The following SORCS2 variants were observed in gnomAD, a reference collection of about 807,000 sequenced individuals.
SORCS2 encodes the protein VPS10 domain-containing receptor SorCS2.
Under a neutral mutation model 141.6 loss-of-function variants are expected in SORCS2, and 100 were observed. The observed-to-expected ratio is 0.71, with a 90% CI of 0.60 to 0.83. SORCS2 has a LOEUF of 0.83. Among genes scored for constraint, SORCS2 ranks in the 40% least tolerant of loss-of-function variants. SORCS2 has a pLI of 0.00. For synonymous variants in SORCS2, 789 were observed against 676.9 expected, an observed-to-expected ratio of 1.17 and a Z score of -2.57; for missense variants, 1,646 against 1,560.2, an observed-to-expected ratio of 1.05 and a Z score of -0.93.
chr4:7,550,550 G>A (rs1713622359), intron 3 of SORCS2, among the ~76,000 whole-genome samples: 2 of 152,330 alleles, frequency 1.3e-5, no homozygotes, highest in Admixed American at 6.5e-5. Flanking sequence ...GAAAACAGGT[G>A]TGTCTGGGGA....
chr4:7,224,979 A>G (rs1333722213), intron 1 of SORCS2, among the ~76,000 whole-genome samples: 1 of 152,252 alleles, frequency 6.6e-6, no homozygotes, highest in East Asian at 1.9e-4. Flanking sequence ...AGAGTGATGT[A>G]TGCAATGTAT....
At position 7,580,375 on chromosome 4, in the gene SORCS2, A is replaced by G. The variant is rs1716063286; in HGVS notation, c.648+48746A>G. Among the ~76,000 whole-genome samples the G allele has an allele frequency of 2.0e-5, 3 of 152,248 alleles. No homozygotes were observed. In the South Asian group the frequency reaches 6.2e-4, roughly 32 times the overall value. On this transcript the variant is annotated intron_variant, in intron 3 of 26. Coordinates refer to ENST00000507866, the MANE Select transcript of SORCS2 (RefSeq NM_020777.3). The stretch of plus-strand genomic sequence containing the variant: ...CATGGTGGTGCACGTTTGTAATCCC[A>G]GCTACTCAGGAGGCTGAGCCATGAG...
chr4:7,543,415 C>CCA lies in SORCS2; in HGVS notation c.648+11786_648+11787insCA, dbSNP rs1712849943. ...CCCATCCATCCATCCACCCATCCAT[C>CCA]TATCCATCCATCCGTCCATCCATCC... On this transcript the variant is annotated intron_variant, in intron 3 of 26. Coordinates refer to ENST00000507866, the MANE Select transcript of SORCS2 (RefSeq NM_020777.3). 8.8e-4 allele frequency among the ~76,000 whole-genome samples: 22 copies of CCA among 24,974 alleles called. No individual in the cohort carries two copies. In the East Asian group the frequency reaches 0.031, roughly 35 times the overall value. 16.4% of individuals were successfully genotyped at this position (24,974 alleles called of 152,430 possible).
Position 7,349,449 on chromosome 4 carries a change from A to G in SORCS2, c.481-46839A>G, listed in dbSNP as rs1720818824. 3.3e-5 allele frequency among the ~76,000 whole-genome samples: 5 copies of G among 152,100 alleles called. No homozygotes were observed. The South Asian group carries it at 1.0e-3, about 32-fold the overall frequency. Reference sequence around the variant, plus strand: ...GGGTGTGGGCTGGGTGTCCTGCGCCAGGCTGCCTAGACTTTATCCCCAGGC... The same window carrying G: ...GGGTGTGGGCTGGGTGTCCTGCGCCGGGCTGCCTAGACTTTATCCCCAGGC... On this transcript the variant is annotated intron_variant, in intron 1 of 26. Transcript: ENST00000507866.
At chr4:7,361,080 A>C (rs1721552852) in intron 1 of SORCS2, among the ~76,000 whole-genome samples, 1 of 152,086 alleles carries the variant, frequency 6.6e-6, no homozygotes, top group Admixed American at 6.5e-5. Context: ...GTTTTTGTCA[A>C]GCTCTGCCCG....
intron 2 of SORCS2, among the ~76,000 whole-genome samples, chr4:7,441,297 C>A (rs1245632229): frequency 6.6e-6 from 1 of 152,124 alleles, no homozygotes; most frequent in African/African-American, 2.4e-5. Context: ...TGAGGGGCAG[C>A]CTGAGGCCAG....
Position 7,356,814 on chromosome 4 carries a change from G to C in SORCS2, c.481-39474G>C, listed in dbSNP as rs890688068. Among the ~76,000 whole-genome samples the C allele has an allele frequency of 3.3e-5, 5 of 152,206 alleles. No homozygotes were observed. In the East Asian group the frequency reaches 5.8e-4, roughly 18 times the overall value. On this transcript the variant is annotated intron_variant, in intron 1 of 26. Transcript: ENST00000507866. Reference sequence around the variant, plus strand: ...CCTAGTGACTCTTTGTTGAATGAATGAACACGTTGATGAATGAATGATCCC... The same window carrying C: ...CCTAGTGACTCTTTGTTGAATGAATCAACACGTTGATGAATGAATGATCCC...
At chr4:7,369,541 C>T (rs1722118188) in intron 1 of SORCS2, among the ~76,000 whole-genome samples, 1 of 152,196 alleles carries the variant, frequency 6.6e-6, no homozygotes, top group East Asian at 1.9e-4. Flanking sequence ...AGAGGCTTGA[C>T]TTGGGGGCGT....
At chr4:7,724,909 A>G (rs371883133) in intron 19 of SORCS2, among the ~76,000 whole-genome samples, 977 of 13,556 alleles carry the variant, frequency 0.072, 18 homozygotes, top group African/African-American at 0.16. Context: ...TGGTGATAGT[A>G]TTGGTGGGAA....
intron 3 of SORCS2, among the ~76,000 whole-genome samples, chr4:7,558,101 GC>G (rs1282819914): frequency 6.6e-6 from 1 of 152,182 alleles, no homozygotes; most frequent in Admixed American, 6.5e-5. Context: ...TGCCCACTGT[GC>G]CCCCAGGGCT....
intron 19 of SORCS2, among the ~76,000 whole-genome samples, chr4:7,724,646 T>G: frequency 7.0e-6 from 1 of 143,744 alleles, no homozygotes; most frequent in African/African-American, 2.7e-5. Flanking sequence ...ATGGTGGAGG[T>G]GATGGTGGTA....
intron 3 of SORCS2, among the ~76,000 whole-genome samples, chr4:7,609,757 C>T (rs1451864166): frequency 6.6e-6 from 1 of 152,208 alleles, no homozygotes; most frequent in Non-Finnish European, 1.5e-5. Context: ...GACCCGGGAC[C>T]TCCGGATGGG....
intron 15 of SORCS2, among the ~76,000 whole-genome samples, chr4:7,713,571 G>A (rs1239370015): frequency 1.3e-5 from 2 of 152,144 alleles, no homozygotes; most frequent in African/African-American, 4.8e-5. Context: ...AGGTCAGTGG[G>A]TGGAAACTGA....
intron 1 of SORCS2, among the ~76,000 whole-genome samples, chr4:7,351,709 C>CCAT (rs76181180): frequency 0.25 from 37,595 of 151,296 alleles, 5,010 homozygotes; most frequent in East Asian, 0.44. Context: ...ATCCATCCAT[C>CCAT]CTTCTACCCA....
intron 11 of SORCS2, among the ~76,000 whole-genome samples, chr4:7,692,767 G>A (rs1724339332): frequency 6.6e-6 from 1 of 152,208 alleles, no homozygotes; most frequent in African/African-American, 2.4e-5. Context: ...ATGGGCATCT[G>A]CCAAGCCGAC....
At chr4:7,587,809 C>T (rs1277370777) in intron 3 of SORCS2, among the ~76,000 whole-genome samples, 2 of 152,242 alleles carry the variant, frequency 1.3e-5, no homozygotes, top group African/African-American at 4.8e-5. Flanking sequence ...TGACAGTCAC[C>T]TCCACAGTCC....
chr4:7,594,280 C>T (rs966167900), intron 3 of SORCS2, among the ~76,000 whole-genome samples: 1 of 152,362 alleles, frequency 6.6e-6, no homozygotes, highest in East Asian at 1.9e-4. Context: ...ATCATAAAAG[C>T]TTGTCACCTG....
intron 3 of SORCS2, among the ~76,000 whole-genome samples, chr4:7,544,672 G>C (rs534980030): frequency 1.3e-5 from 2 of 152,274 alleles, no homozygotes; most frequent in Non-Finnish European, 2.9e-5. Context: ...AAGAGACAGA[G>C]GGAGCTGGGG....
chr4:7,307,674 C>T (rs537323042), intron 1 of SORCS2, among the ~76,000 whole-genome samples: 276 of 152,306 alleles, frequency 1.8e-3, no homozygotes, highest in African/African-American at 6.3e-3. Context: ...GACAACTGTT[C>T]TGTAAGCACT....
Sources: allele counts gnomAD v4.1 joint callset (sites outside exome capture counted in the v4.1 genomes callset), GRCh38; gene constraint gnomAD v4.1.1; transcripts MANE v1.5; gene names NCBI Gene and HGNC (gene_info 2026-07-23, HGNC 2026-07-21).